Variants in RFLNA observed in about 807,000 individuals in gnomAD.
RFLNA encodes refilin A.
In RFLNA, 5 loss-of-function variants were observed where a neutral mutation model predicts 7.8. The ratio of observed to expected loss-of-function variants is 0.64; its 90% CI spans 0.34 to 1.35. The LOEUF (loss-of-function observed/expected upper bound fraction) is 1.35. RFLNA is among the 40% of genes most tolerant of loss of function. The pLI is 0.04. For synonymous variants in RFLNA, 141 were observed against 131.3 expected (o/e 1.07, Z -0.50); for missense variants, 278 against 305.5 (o/e 0.91, Z 0.67).
intron 1 of RFLNA, among the ~76,000 whole-genome samples, chr12:124,299,990 G>A (rs2135677195): frequency 6.6e-6 from 1 of 152,348 alleles, no homozygotes; most frequent in Middle Eastern, 3.4e-3. Flanking sequence ...GTGAATATGG[G>A]CAGTTCGGAG....
chr12:124,293,514 G>A (rs2033855087), upstream of RFLNA, among the ~76,000 whole-genome samples: 1 of 152,092 alleles, frequency 6.6e-6, no homozygotes, highest in Non-Finnish European at 1.5e-5. Context: ...AGTTCAGCCA[G>A]TCATTCTGGT....
intron 1 of RFLNA, among the ~76,000 whole-genome samples, chr12:124,303,747 G>A (rs1437507790): frequency 6.6e-6 from 1 of 152,194 alleles, no homozygotes; most frequent in African/African-American, 2.4e-5. Context: ...TTTCACAGAT[G>A]AGCAAACCGA....
rs981258313 is a variant in RFLNA, at chr12:124,306,004, T to C, written c.208-5814T>C. On this transcript the variant is annotated intron_variant, in intron 1 of 2. Coordinates refer to ENST00000546355, the MANE Select transcript of RFLNA (RefSeq NM_001365156.1). The surrounding 1 kb of genome is among the most constrained non-coding windows in gnomAD (Gnocchi z 5.2). ...TCCCTGTGGTCCTCAGCCCTTGTTCTGGGGTGACCGTGACTAGCAGGGATG... is the reference window on the plus strand; with the variant it reads ...TCCCTGTGGTCCTCAGCCCTTGTTCCGGGGTGACCGTGACTAGCAGGGATG... Among the ~76,000 whole-genome samples the C allele has an allele frequency of 4.6e-5, 7 of 152,182 alleles. No individual in the cohort carries two copies. Among genetic ancestry groups the C allele is most frequent in the African/African-American group, 1.7e-4 (7 of 41,460 alleles).
chr12:124,290,243 CAT>C (rs147089933), upstream of RFLNA, among the ~76,000 whole-genome samples: 2,874 of 151,762 alleles, frequency 0.019, 34 homozygotes, highest in Middle Eastern at 0.051. This position sits in a 1 kb window ranked among gnomAD's most constrained non-coding sequence, Gnocchi z 4.0. Flanking sequence ...GATGTGTAGA[CAT>C]GCGTGTATAC....
At chr12:124,298,197 A>T (rs1049376637) in intron 1 of RFLNA, among the ~76,000 whole-genome samples, 2 of 152,172 alleles carry the variant, frequency 1.3e-5, no homozygotes, top group Non-Finnish European at 2.9e-5. Context: ...CCCGCCCTCA[A>T]ATCTAAGCCA....
intron 2 of RFLNA, among the ~76,000 whole-genome samples, chr12:124,313,757 T>C (rs1324472640): frequency 2.0e-5 from 3 of 152,100 alleles, no homozygotes; most frequent in Non-Finnish European, 4.4e-5. Flanking sequence ...TGAGAGGAGA[T>C]TGGTGACATC....
intron 1 of RFLNA, among the ~76,000 whole-genome samples, chr12:124,302,577 C>T (rs2034057324): frequency 6.6e-6 from 1 of 152,132 alleles, no homozygotes; most frequent in African/African-American, 2.4e-5. Flanking sequence ...CCCCAGGATT[C>T]GCCAATAGCC....
Position 124,295,649 on chromosome 12 carries a change from T to C in RFLNA, c.207+13T>C. ...CGAGGCCAGAGCGGTAAGGAGGCGC[T>C]CTCTCTCCCAAACGGGGGACCGCGT... On this transcript the variant is annotated intron_variant, in intron 1 of 2. Transcript: ENST00000546355. The C allele has an allele frequency of 2.4e-6, 3 of 1,225,038 alleles. No homozygotes were observed. The highest frequency in any genetic ancestry group is 4.3e-5 in the Admixed American group (1 of 23,136). 75.9% of individuals were successfully genotyped at this position (1,225,038 alleles called of 1,614,324 possible). A position where few individuals can be genotyped will look rare whatever the true frequency, so the allele number is the denominator to read the frequency against.
chr12:124,312,116 G>A (rs1566329386), intron 2 of RFLNA, among the ~76,000 whole-genome samples, 189 bp downstream of exon 2: 1 of 151,952 alleles, frequency 6.6e-6, no homozygotes, highest in Non-Finnish European at 1.5e-5. Context: ...AGACAAAACT[G>A]ATTTTAAGAG....
At chr12:124,292,615 G>A (rs1048373220), upstream of RFLNA, among the ~76,000 whole-genome samples, 2 of 152,280 alleles carry the variant, frequency 1.3e-5, no homozygotes, top group East Asian at 3.9e-4. Context: ...TGCTCTCTGG[G>A]GCTTTGACCT....
At chr12:124,304,403 C>T (rs1360918278) in intron 1 of RFLNA, among the ~76,000 whole-genome samples, 1 of 150,722 alleles carries the variant, frequency 6.6e-6, no homozygotes, top group Non-Finnish European at 1.5e-5. Flanking sequence ...TTCAGCGGGA[C>T]CCTTTGGCAA....
rs575928236 is a variant in RFLNA at position 124,304,087 on chromosome 12, G to T, written c.208-7731G>T. Among the ~76,000 whole-genome samples, 8 of 152,374 alleles carry T rather than the reference G, an allele frequency of 5.3e-5. No homozygotes were observed. In the South Asian group the frequency reaches 1.2e-3, roughly 24 times the overall value. ...CAGTCTGCCTTCTTGGCCGCGAGAG[G>T]CACTTCCCTTGCCCACTCCCCAGGC... On this transcript the variant is annotated intron_variant, in intron 1 of 2. Transcript: ENST00000546355.
Position 124,289,283 on chromosome 12 carries a change from G to A in RFLNA, c.-124G>A, listed in dbSNP as rs1427298444. 6.6e-6 allele frequency: 1 copy of A among 152,204 alleles called. No homozygotes were observed. Among genetic ancestry groups the A allele is most frequent in the African/African-American group, 2.4e-5 (1 of 41,456 alleles). 9.4% of individuals were successfully genotyped at this position (152,204 alleles called of 1,614,324 possible). ...GCAGAAAAGGCCTTTTCAGCTAAAA[G>A]CTCCTTACAGCCGGAAGGTGTGAAG... On this transcript the variant is annotated 5_prime_UTR_variant, in exon 1 of 3. Coordinates refer to the RFLNA transcript ENST00000324038. The surrounding 1 kb of genome is among the most constrained non-coding windows in gnomAD (Gnocchi z 5.0).
intron 1 of RFLNA, among the ~76,000 whole-genome samples, chr12:124,303,514 G>C (rs1273072555): frequency 1.3e-5 from 2 of 152,222 alleles, no homozygotes; most frequent in Non-Finnish European, 2.9e-5. Context: ...GAAGGAGCTG[G>C]GAACCTGGGC....
upstream of RFLNA, among the ~76,000 whole-genome samples, chr12:124,291,989 C>T (rs1035690141): frequency 2.0e-5 from 3 of 152,236 alleles, no homozygotes; most frequent in Admixed American, 6.5e-5. Context: ...CTCTCCAACA[C>T]GGGACCCGCT....
In RFLNA at chr12:124,311,855, T is replaced by G. The variant is rs779410124; in HGVS notation, c.245T>G (p.Met82Arg). ...CTCCCAAATCCCCCGGCGTCGGAGATGAGGCCCCGGATGCTGCCAGTGTTC... is the reference window on the plus strand; with the variant it reads ...CTCCCAAATCCCCCGGCGTCGGAGAGGAGGCCCCGGATGCTGCCAGTGTTC... ...SQLPNPPASEMRPRMLPVFFG... is the reference protein window; with the variant it reads ...SQLPNPPASERRPRMLPVFFG... Residue 82 changes from methionine (M) to arginine (R), a missense_variant, in exon 2 of 3, where the codon ATG (methionine) becomes AGG (arginine). Physicochemically the swap from Met to Arg is moderately conservative, Grantham distance 91. Coordinates refer to ENST00000546355, the MANE Select transcript of RFLNA (RefSeq NM_001365156.1). 6.2e-7 allele frequency: 1 copy of G among 1,600,152 alleles called. No individual in the cohort carries two copies. Among genetic ancestry groups the G allele is most frequent in the African/African-American group, 1.4e-5 (1 of 73,694 alleles).
chr12:124,310,181 A>AAAAAAAAAAAAAAAAG (rs2034215184), intron 1 of RFLNA, among the ~76,000 whole-genome samples: 1 of 142,952 alleles, frequency 7.0e-6, no homozygotes, highest in Non-Finnish European at 1.5e-5. Context: ...TCAAAAAAAA[A>AAAAAAAAAAAAAAAAG]AAAAAAAAAA....
chr12:124,310,011 T>C (rs2034209803), intron 1 of RFLNA, among the ~76,000 whole-genome samples: 1 of 151,456 alleles, frequency 6.6e-6, no homozygotes, highest in South Asian at 2.1e-4. Context: ...TCTGCAAAAA[T>C]TGTTTTTTAA....
upstream of RFLNA, among the ~76,000 whole-genome samples, chr12:124,293,634 G>C (rs2033856382): frequency 6.6e-6 from 1 of 152,148 alleles, no homozygotes; most frequent in Non-Finnish European, 1.5e-5. Context: ...CAAACCTCTG[G>C]TTAGTTGGGT....
Sources: allele counts gnomAD v4.1 joint callset (sites outside exome capture counted in the v4.1 genomes callset), GRCh38; gene constraint gnomAD v4.1.1; non-coding constraint Gnocchi (gnomAD v3.1); transcripts MANE v1.5; gene names NCBI Gene and HGNC (gene_info 2026-07-23, HGNC 2026-07-21).